PCDHGA4: variants seen among roughly 807,000 people sequenced by gnomAD.
The protein encoded by PCDHGA4 is protocadherin gamma-A4.
In PCDHGA4, 38 loss-of-function variants were observed where a neutral mutation model predicts 54.6. The ratio of observed to expected loss-of-function variants is 0.70; its 90% CI spans 0.54 to 0.91. The LOEUF (loss-of-function observed/expected upper bound fraction) is 0.91. Ranked by LOEUF, PCDHGA4 falls within the 40% of genes least tolerant of loss-of-function variation. PCDHGA4 has a pLI of 0.00. For missense variants in PCDHGA4, 1,298 were observed against 1,220.9 expected (o/e 1.06, Z -0.94); for synonymous variants, 511 against 512.9 (o/e 1.00, Z 0.05).
intron 1 of PCDHGA4, chr5:141,417,670 A>T: frequency 1.1e-6 from 1 of 929,118 alleles, no homozygotes; most frequent in Admixed American, 3.2e-5. Context: ...TTCCCTGCGC[A>T]GCCAACAACA....
chr5:141,394,202 G>A (rs1285720796), intron 1 of PCDHGA4: 2 of 1,613,832 alleles, frequency 1.2e-6, no homozygotes, highest in Non-Finnish European at 1.7e-6. Context: ...ATATCCTAGA[G>A]AACAACCTGA....
At chr5:141,428,540 C>T (rs1561836755) in intron 1 of PCDHGA4, 6 of 268,146 alleles carry the variant, frequency 2.2e-5, no homozygotes, top group South Asian at 8.6e-5. Context: ...CTCACCATGA[C>T]ACCAGAAACA....
rs1205836590 is a variant in PCDHGA4 at position 141,476,270 on chromosome 5, G to A, written c.2515-18537G>A. The A allele has an allele frequency of 6.2e-7, 1 of 1,614,088 alleles. No individual in the cohort carries two copies. Among genetic ancestry groups the A allele is most frequent in the Admixed American group, 1.7e-5 (1 of 60,026 alleles). Reference sequence around the variant, plus strand: ...GGGTTTCGCTGTGGGCAACGTGGTCGCGAACCTTGGTTTGGATCTCGGTAG... The same window carrying A: ...GGGTTTCGCTGTGGGCAACGTGGTCACGAACCTTGGTTTGGATCTCGGTAG... On this transcript the variant is annotated intron_variant, in intron 1 of 3. Transcript: ENST00000571252. The surrounding 1 kb of genome is among the most constrained non-coding windows in gnomAD (Gnocchi z 7.6).
At chr5:141,423,328 G>C (rs1308803675) in intron 1 of PCDHGA4, 1 of 1,614,194 alleles carries the variant, frequency 6.2e-7, no homozygotes, top group African/African-American at 1.3e-5. Flanking sequence ...GGTGGCCGCA[G>C]TCTCCTGCAT....
rs151037104 is a variant in PCDHGA4, at chr5:141,393,242, C to G, written c.2514+35621C>G. 3 of 1,613,778 alleles carry G rather than the reference C, an allele frequency of 1.9e-6. 1 individual carries two copies. The East Asian group carries it at 6.7e-5, about 36-fold the overall frequency. ...TCGAAGATCTAGAAGTAAAAATTAA[C>G]GAAATCGCGGTTCCTGGAGCACGTT... On this transcript the variant is annotated intron_variant, in intron 1 of 3. Coordinates refer to ENST00000571252, the MANE Select transcript of PCDHGA4 (RefSeq NM_018917.4).
intron 1 of PCDHGA4, chr5:141,361,654 G>T (rs779307225): frequency 1.2e-6 from 2 of 1,613,664 alleles, no homozygotes; most frequent in African/African-American, 1.3e-5. Context: ...CTACGTGTCC[G>T]TGAGCGCGCA....
At position 141,496,642 on chromosome 5, in the gene PCDHGA4, G is replaced by C. The variant is rs1053400475; in HGVS notation, c.2573+1777G>C. Among the ~76,000 whole-genome samples the C allele has an allele frequency of 6.6e-5, 10 of 152,318 alleles. No individual in the cohort carries two copies. In the East Asian group the frequency reaches 1.5e-3, roughly 24 times the overall value. ...AGATCAAAAGGCTTGGGCTGCCCTT[G>C]CCCTTCCTTTGACCCCAGCTGTTGT... On this transcript the variant is annotated intron_variant, in intron 2 of 3. Transcript: ENST00000571252.
intron 1 of PCDHGA4, chr5:141,423,007 G>C (rs772337723): frequency 1.9e-6 from 3 of 1,614,242 alleles, no homozygotes; most frequent in Non-Finnish European, 2.5e-6. Flanking sequence ...CAAGGTGGTT[G>C]CGGTGGACAA....
Position 141,361,670 on chromosome 5 carries a change from G to T in PCDHGA4, c.2514+4049G>T, listed in dbSNP as rs1388085140. ...TACGTGTCCGTGAGCGCGCAGAGCG[G>T]GGTGGTGTTCGCGCAGCGCGCCTTC... On this transcript the variant is annotated intron_variant, in intron 1 of 3. Coordinates refer to ENST00000571252, the MANE Select transcript of PCDHGA4 (RefSeq NM_018917.4). 71 of 1,613,684 alleles carry T rather than the reference G, an allele frequency of 4.4e-5. 1 individual carries two copies. The highest frequency in any genetic ancestry group is 5.9e-5 in the Non-Finnish European group (70 of 1,179,914).
At chr5:141,375,521 G>A in intron 1 of PCDHGA4, 1 of 1,613,994 alleles carries the variant, frequency 6.2e-7, no homozygotes, top group Non-Finnish European at 8.5e-7. Context: ...ACTGGACCCT[G>A]ACGTGGACCA....
intron 1 of PCDHGA4, chr5:141,366,348 C>T (rs374896827): frequency 6.2e-7 from 1 of 1,613,948 alleles, no homozygotes; most frequent in Admixed American, 1.7e-5. Context: ...GACATCCTGG[C>T]TGACCTAGGC....
intron 1 of PCDHGA4, chr5:141,423,427 G>A: frequency 1.2e-6 from 2 of 1,614,010 alleles, no homozygotes; most frequent in Non-Finnish European, 1.7e-6. Flanking sequence ...AGGCGGGTTG[G>A]CAGGTATGCC....
At position 141,413,764 on chromosome 5, in the gene PCDHGA4, G is replaced by A. The variant is rs749419039; in HGVS notation, c.2514+56143G>A. 28 of 1,612,716 alleles carry A rather than the reference G, an allele frequency of 1.7e-5. No individual in the cohort carries two copies. Among genetic ancestry groups the A allele is most frequent in the Non-Finnish European group, 2.2e-5 (26 of 1,179,878 alleles). On this transcript the variant is annotated intron_variant, in intron 1 of 3. Coordinates refer to ENST00000571252, the MANE Select transcript of PCDHGA4 (RefSeq NM_018917.4). ...CCGTGCCAATGGCGTCAAGTACCCG[G>A]AGCTGGTACTGGAGCACTCCCTAGA... is the stretch of plus-strand genomic sequence containing the variant.
intron 1 of PCDHGA4, chr5:141,415,453 G>A (rs759873920): frequency 1.9e-6 from 3 of 1,614,176 alleles, no homozygotes. Context: ...CTATTCCCAC[G>A]AGGTCTCTCT....
At chr5:141,400,174 G>T in intron 1 of PCDHGA4, 1 of 1,614,076 alleles carries the variant, frequency 6.2e-7, no homozygotes, top group Non-Finnish European at 8.5e-7. Context: ...CCCCCAGGCT[G>T]AGCTGCAGTT....
At chr5:141,461,007 A>G (rs965754689) in intron 1 of PCDHGA4, among the ~76,000 whole-genome samples, 1 of 151,418 alleles carries the variant, frequency 6.6e-6, no homozygotes, top group Non-Finnish European at 1.5e-5. Flanking sequence ...GTGTATATAT[A>G]TATACCACAT....
At chr5:141,398,857 C>A in intron 1 of PCDHGA4, 2 of 1,613,918 alleles carry the variant, frequency 1.2e-6, no homozygotes, top group Middle Eastern at 1.6e-4. Flanking sequence ...GGTATTCAAC[C>A]GAGACGTGTA....
In PCDHGA4 at chr5:141,489,493, G is replaced by C. The variant is rs1485293604; in HGVS notation, c.2515-5314G>C. 3 of 1,614,078 alleles carry C rather than the reference G, an allele frequency of 1.9e-6. No homozygotes were observed. The South Asian group carries it at 3.3e-5, about 18-fold the overall frequency. On this transcript the variant is annotated intron_variant, in intron 1 of 3. Coordinates refer to ENST00000571252, the MANE Select transcript of PCDHGA4 (RefSeq NM_018917.4). This position sits in a 1 kb window ranked among gnomAD's most constrained non-coding sequence, Gnocchi z 4.5. Reference sequence around the variant, plus strand: ...CCTGAGCTTGATGAGTGGTGCCCTGGCAGTGAATCAAAAGATTGACCGAGA... The same window carrying C: ...CCTGAGCTTGATGAGTGGTGCCCTGCCAGTGAATCAAAAGATTGACCGAGA...
chr5:141,357,123 G>T lies in PCDHGA4; in HGVS notation c.2016G>T (p.Arg672Ser). Residue 672 changes from arginine to serine, a missense_variant, in exon 1 of 4, where the codon AGG (arginine) becomes AGT (serine). Physicochemically the swap from Arg to Ser is moderately radical, Grantham distance 110 (BLOSUM62 -1). Coordinates refer to ENST00000571252, the MANE Select transcript of PCDHGA4 (RefSeq NM_018917.4). ...TGGACAGAGACGCGCTCAAGCAGAG[G>T]CTTGTAGTGGTCGTCCAGGACCATG... ...ALLDRDALKQ[R>S]LVVVVQDHGQ... 8 of 1,613,670 alleles carry T rather than the reference G, an allele frequency of 5.0e-6. No individual in the cohort carries two copies. The South Asian group carries it at 6.6e-5, about 13-fold the overall frequency.
Sources: gnomAD v4.1 joint callset for allele counts (sites outside exome capture counted in the v4.1 genomes callset) on GRCh38, gnomAD v4.1.1 for gene constraint, Gnocchi (gnomAD v3.1) non-coding constraint, MANE v1.5 for transcripts, NCBI Gene and HGNC (gene_info 2026-07-23, HGNC 2026-07-21) for gene names.